UNC13C: variants seen among roughly 807,000 people sequenced by gnomAD.
The protein encoded by UNC13C is protein unc-13 homolog C.
Under a neutral mutation model 245.4 loss-of-function variants are expected in UNC13C, and 174 were observed. That is an observed-to-expected ratio of 0.71 (90% CI 0.63 to 0.80). The LOEUF (loss-of-function observed/expected upper bound fraction) is 0.80. Among genes scored for constraint, UNC13C ranks in the 30% least tolerant of loss-of-function variants. The pLI is 0.00. For synonymous variants in UNC13C, 992 were observed against 895.1 expected (o/e 1.11, Z -1.93); for missense variants, 2,829 against 2,602.9 (o/e 1.09, Z -1.89).
chr15:54,281,397 A>T (rs1282612134), intron 10 of UNC13C, among the ~76,000 whole-genome samples: 1 of 152,214 alleles, frequency 6.6e-6, no homozygotes, highest in African/African-American at 2.4e-5. Flanking sequence ...GGACAAAGAA[A>T]TACTGAAAGG....
At chr15:54,047,307 G>C (rs996865562) in intron 2 of UNC13C, among the ~76,000 whole-genome samples, 4 of 151,880 alleles carry the variant, frequency 2.6e-5, no homozygotes, top group African/African-American at 9.7e-5. Flanking sequence ...GTACAATTCA[G>C]TGGCATTAAC....
chr15:54,334,389 G>A (rs1858355), intron 16 of UNC13C, among the ~76,000 whole-genome samples: 38,884 of 151,946 alleles, frequency 0.26, 5,342 homozygotes, highest in Admixed American at 0.34. Flanking sequence ...CTTTAATTGC[G>A]AGTTTTCGGC....
At chr15:54,151,786 A>G (rs1030226498) in intron 4 of UNC13C, among the ~76,000 whole-genome samples, 2 of 152,298 alleles carry the variant, frequency 1.3e-5, no homozygotes, top group East Asian at 3.9e-4. Context: ...AGCTGCCATC[A>G]ACTCTGACAA....
Position 54,555,448 on chromosome 15 carries a change from A to G in UNC13C, c.5894A>G (p.Glu1965Gly). 6.2e-7 allele frequency: 1 copy of G among 1,612,364 alleles called. No individual in the cohort carries two copies. The highest frequency in any genetic ancestry group is 2.2e-5 in the East Asian group (1 of 44,792). The change falls in exon 29 of 33, where the codon GAG (glutamate) becomes GGG (glycine). Residue 1965 changes from glutamate to glycine, a missense_variant. Physicochemically the swap from Glu to Gly is moderately conservative, Grantham distance 98. Coordinates refer to ENST00000260323, the MANE Select transcript of UNC13C (RefSeq NM_001080534.3). The part of the protein sequence containing the change: ...LSKLKEHMIR[E>G]DARGLTPRQC... ...GTTTTCCAGGAGCACATGATTCGAG[A>G]GGATGCCAGGGGTCTGACGCCAAGA...
chr15:53,853,390 A>G, the UNC13C span, among the ~76,000 whole-genome samples: 2 of 152,118 alleles, frequency 1.3e-5, no homozygotes, highest in African/African-American at 4.8e-5. Context: ...CATTTTCTTT[A>G]TCCAGTCTAT....
intron 17 of UNC13C, among the ~76,000 whole-genome samples, chr15:54,360,354 T>C (rs1191462463): frequency 2.0e-5 from 3 of 152,038 alleles, no homozygotes; most frequent in Admixed American, 6.6e-5. Flanking sequence ...TGATATTTCT[T>C]TGTTGATTTT....
intron 2 of UNC13C, among the ~76,000 whole-genome samples, chr15:54,077,688 G>A (rs1431737670): frequency 6.6e-6 from 1 of 151,662 alleles, no homozygotes; most frequent in African/African-American, 2.4e-5. Flanking sequence ...TCTCAAATTG[G>A]CACAAATAGA....
intron 4 of UNC13C, among the ~76,000 whole-genome samples, chr15:54,151,403 C>G (rs578087925): frequency 1.2e-4 from 19 of 152,148 alleles, no homozygotes; most frequent in East Asian, 7.8e-4. Flanking sequence ...GAAAACTACT[C>G]TTTTATTCCT....
At chr15:54,094,498 A>G (rs1182735592) in intron 2 of UNC13C, among the ~76,000 whole-genome samples, 6 of 152,166 alleles carry the variant, frequency 3.9e-5, no homozygotes, top group Non-Finnish European at 4.4e-5. Flanking sequence ...CTAACTATGT[A>G]ATTGTGTCTT....
chr15:54,228,061 C>T (rs922181947), intron 4 of UNC13C, among the ~76,000 whole-genome samples: 8 of 152,246 alleles, frequency 5.3e-5, no homozygotes, highest in African/African-American at 1.2e-4. Context: ...GTACCTCAAC[C>T]GTGCTACAAA....
intron 26 of UNC13C, among the ~76,000 whole-genome samples, chr15:54,540,389 T>A (rs1342199844): frequency 3.3e-5 from 5 of 152,046 alleles, no homozygotes. Context: ...CCAATACACA[T>A]GGCATTTGAA....
In UNC13C at chr15:54,040,456, T is replaced by TA. The variant is rs1410189724; in HGVS notation, c.2983+24574dup. ...CAGACCTACTTAATCAAAATCTTGT[T>TA]AAAATTTTAACAAGGGCTTCAGGTG... On this transcript the variant is annotated intron_variant, in intron 2 of 32. Coordinates refer to ENST00000260323, the MANE Select transcript of UNC13C (RefSeq NM_001080534.3). 5.3e-5 allele frequency among the ~76,000 whole-genome samples: 8 copies of TA among 152,304 alleles called. No homozygotes were observed. The East Asian group carries it at 1.5e-3, about 29-fold the overall frequency.
Position 54,533,052 on chromosome 15 carries a change from T to G in UNC13C, c.5682T>G (p.Asp1894Glu). 6.3e-7 allele frequency: 1 copy of G among 1,591,182 alleles called. No homozygotes were observed. Among genetic ancestry groups the G allele is most frequent in the South Asian group, 1.2e-5 (1 of 86,920 alleles). The change falls in exon 26 of 33, where the codon GAT becomes GAG. Residue 1894 changes from aspartate (D) to glutamate (E), a missense_variant. Transcript: ENST00000260323. ...DAEIVLRSLM[D>E]FLDKTLSLSA... ...AGATTGTGTTAAGATCTCTTATGGA[T>G]TTTTTGGACAAAACGTAAGTTTTTT...
At chr15:53,896,586 G>T in the UNC13C span, among the ~76,000 whole-genome samples, 1 of 151,880 alleles carries the variant, frequency 6.6e-6, no homozygotes, top group Non-Finnish European at 1.5e-5. Context: ...AAGCCTTATG[G>T]CAGACTAGAT....
the UNC13C span, among the ~76,000 whole-genome samples, chr15:53,922,235 C>T: frequency 6.6e-6 from 1 of 152,174 alleles, no homozygotes; most frequent in South Asian, 2.1e-4. Flanking sequence ...AAATTCTCTG[C>T]AACACAGTCT....
intron 1 of UNC13C, among the ~76,000 whole-genome samples, chr15:54,008,539 A>G (rs1396883017): frequency 6.6e-6 from 1 of 152,192 alleles, no homozygotes; most frequent in Non-Finnish European, 1.5e-5. Flanking sequence ...AAAGTTCATT[A>G]ATGAAGACAA....
chr15:54,255,750 A>C (rs2036263824), intron 8 of UNC13C, among the ~76,000 whole-genome samples: 1 of 152,200 alleles, frequency 6.6e-6, no homozygotes, highest in African/African-American at 2.4e-5. Flanking sequence ...GCAGAGGCCC[A>C]GGCGTGGAGC....
At chr15:54,345,316 C>T (rs1355556126) in intron 17 of UNC13C, among the ~76,000 whole-genome samples, 3 of 152,162 alleles carry the variant, frequency 2.0e-5, no homozygotes, top group East Asian at 1.9e-4. Context: ...GTATATTTCA[C>T]CTATTATAAA....
chr15:54,629,244 A>G (rs1463883233), downstream of UNC13C: 1 of 152,168 alleles, frequency 6.6e-6, no homozygotes, highest in Non-Finnish European at 1.5e-5. Context: ...ATGAGGACAC[A>G]TGGACACTAA....
Sources: gnomAD v4.1 joint callset for allele counts (sites outside exome capture counted in the v4.1 genomes callset) on GRCh38, gnomAD v4.1.1 for gene constraint, MANE v1.5 for transcripts, NCBI Gene and HGNC (gene_info 2026-07-23, HGNC 2026-07-21) for gene names.